NOX4: variants seen among roughly 807,000 people sequenced by gnomAD.
NOX4 encodes kidney oxidase-1.
In NOX4, 69 loss-of-function variants were observed where a neutral mutation model predicts 87.6. The ratio of observed to expected loss-of-function variants is 0.79; its 90% CI spans 0.65 to 0.96. NOX4 has a LOEUF of 0.96. Ranked by LOEUF, NOX4 falls within the 40% of genes least tolerant of loss-of-function variation. The pLI is 0.00. For missense variants in NOX4, 680 were observed against 681.5 expected, an observed-to-expected ratio of 1.00 and a Z score of 0.02; for synonymous variants, 275 against 238.2, an observed-to-expected ratio of 1.15 and a Z score of -1.42.
At chr11:89,332,423 A>G (rs1945512883) in intron 17 of NOX4, among the ~76,000 whole-genome samples, 1 of 151,908 alleles carries the variant, frequency 6.6e-6, no homozygotes, top group African/African-American at 2.4e-5. Flanking sequence ...ACAGCTCAAA[A>G]CAGGATATAC....
upstream of NOX4, among the ~76,000 whole-genome samples, chr11:89,493,914 C>T (rs987213287): frequency 6.6e-6 from 1 of 151,968 alleles, no homozygotes; most frequent in Admixed American, 6.6e-5. Flanking sequence ...GCCAACCCGC[C>T]CAGCTAATTT....
chr11:89,478,834 A>G (rs1051933160), intron 2 of NOX4, among the ~76,000 whole-genome samples: 1 of 152,102 alleles, frequency 6.6e-6, no homozygotes, highest in African/African-American at 2.4e-5. Context: ...TACAAAATCA[A>G]AATAGTAAAT....
intron 7 of NOX4, among the ~76,000 whole-genome samples, chr11:89,426,958 T>C (rs1943454016): frequency 6.6e-6 from 1 of 152,136 alleles, no homozygotes; most frequent in Non-Finnish European, 1.5e-5. Flanking sequence ...GTAGCCTAAC[T>C]AGGAGGCACT....
chr11:89,528,412 G>T, the NOX4 span, among the ~76,000 whole-genome samples: 1 of 152,100 alleles, frequency 6.6e-6, no homozygotes, highest in Admixed American at 6.6e-5. Flanking sequence ...GATTTAGGAG[G>T]GGCCAGGAGC....
At chr11:89,367,934 A>C (rs1456312810) in intron 12 of NOX4, among the ~76,000 whole-genome samples, 3 of 151,518 alleles carry the variant, frequency 2.0e-5, no homozygotes, top group Admixed American at 2.0e-4. Context: ...ATAATCCCCC[A>C]CTCTAGGCAA....
chr11:89,355,389 T>C lies in NOX4; in HGVS notation c.1136-346A>G, dbSNP rs777270538. On this transcript the variant is annotated intron_variant, in intron 12 of 17. Transcript: ENST00000263317. ...ATATTTGAAATAGTTATATTTATCC[T>C]ATAAATATACATAATATATACATTT... Among the ~76,000 whole-genome samples the C allele has an allele frequency of 1.1e-3, 170 of 148,922 alleles. 1 individual carries two copies. Among genetic ancestry groups the C allele is most frequent in the Non-Finnish European group, 1.8e-3 (119 of 67,378 alleles).
intron 8 of NOX4, among the ~76,000 whole-genome samples, chr11:89,413,539 T>A (rs1188862208): frequency 6.6e-6 from 1 of 152,082 alleles, no homozygotes; most frequent in East Asian, 1.9e-4. Flanking sequence ...TGGGTGGAAC[T>A]GAGGTCATTG....
intron 2 of NOX4, among the ~76,000 whole-genome samples, chr11:89,460,370 A>T (rs1331413341): frequency 2.0e-5 from 3 of 152,220 alleles, no homozygotes; most frequent in Non-Finnish European, 4.4e-5. Context: ...CAGAGTGAAC[A>T]GGCAACCTAC....
chr11:89,396,580 C>T lies in NOX4; in HGVS notation c.1074+3437G>A, dbSNP rs911929897. Among the ~76,000 whole-genome samples the T allele has an allele frequency of 3.6e-4, 55 of 152,044 alleles. 1 individual carries two copies. The highest frequency in any genetic ancestry group is 4.2e-4 in the South Asian group (2 of 4,818). On this transcript the variant is annotated intron_variant, in intron 11 of 17. Transcript: ENST00000263317. ...TGCTGTATTCAGGAAACCCATCTCA[C>T]GTGCAGAGATGCACATAGGCTCAAA...
chr11:89,430,006 A>G (rs1055004386), intron 7 of NOX4, among the ~76,000 whole-genome samples: 7 of 152,208 alleles, frequency 4.6e-5, no homozygotes, highest in African/African-American at 1.7e-4. Flanking sequence ...CTTATCCAAC[A>G]TGATGAAGTG....
chr11:89,349,096 G>C (rs1946339246), intron 13 of NOX4, among the ~76,000 whole-genome samples: 2 of 151,914 alleles, frequency 1.3e-5, no homozygotes, highest in African/African-American at 4.8e-5. Flanking sequence ...AGACCAGCCT[G>C]GTCACTATGG....
At chr11:89,421,504 A>G (rs1943082606) in intron 8 of NOX4, among the ~76,000 whole-genome samples, 1 of 152,152 alleles carries the variant, frequency 6.6e-6, no homozygotes, top group Non-Finnish European at 1.5e-5. Flanking sequence ...AACTTTTAAA[A>G]TGAAAAACTG....
the NOX4 span, among the ~76,000 whole-genome samples, chr11:89,580,332 G>A: frequency 3.3e-5 from 5 of 151,986 alleles, no homozygotes; most frequent in South Asian, 4.2e-4. Context: ...CTACAGGTGC[G>A]CACCACCACA....
chr11:89,455,270 C>A (rs1945139138), intron 2 of NOX4, among the ~76,000 whole-genome samples: 1 of 152,196 alleles, frequency 6.6e-6, no homozygotes, highest in African/African-American at 2.4e-5. Flanking sequence ...ACTTTCTATG[C>A]ATTACCTTGA....
chr11:89,434,531 G>A (rs138657401), intron 6 of NOX4, among the ~76,000 whole-genome samples: 1 of 152,066 alleles, frequency 6.6e-6, no homozygotes, highest in Non-Finnish European at 1.5e-5. Context: ...TCACTCTAAA[G>A]AACTAGCAGC....
intron 8 of NOX4, among the ~76,000 whole-genome samples, chr11:89,407,445 G>A (rs992438107): frequency 3.3e-5 from 5 of 152,044 alleles, no homozygotes; most frequent in African/African-American, 1.2e-4. Flanking sequence ...GAGAAATTTT[G>A]AAGTATCTGT....
chr11:89,378,052 T>C (rs764441914), intron 11 of NOX4, among the ~76,000 whole-genome samples: 5 of 152,170 alleles, frequency 3.3e-5, no homozygotes, highest in Non-Finnish European at 7.4e-5. Context: ...CAATCACCTT[T>C]CATTTCTTTC....
Position 89,337,541 on chromosome 11 carries a change from C to T in NOX4, c.1447-26G>A, listed in dbSNP as rs778679184. 16 of 1,607,052 alleles carry T rather than the reference C, an allele frequency of 1.0e-5. No homozygotes were observed. The Middle Eastern group carries it at 2.3e-3, about 233-fold the overall frequency. ...CTGAGAGGACAGAAAAAGGAATAGA[C>T]TTATTACAATTCTGTGGGTATACTC... On this transcript the variant is annotated intron_variant, in intron 15 of 17. Transcript: ENST00000263317.
intron 2 of NOX4, among the ~76,000 whole-genome samples, chr11:89,466,312 TTTC>T: frequency 6.6e-6 from 1 of 152,206 alleles, no homozygotes; most frequent in South Asian, 2.1e-4. Context: ...TCTCAAACAG[TTTC>T]TTATCTTAAA....
Sources: gnomAD v4.1 joint callset for allele counts (sites outside exome capture counted in the v4.1 genomes callset) on GRCh38, gnomAD v4.1.1 for gene constraint, MANE v1.5 for transcripts, NCBI Gene and HGNC (gene_info 2026-07-23, HGNC 2026-07-21) for gene names.